Variants in SOX6 observed in about 807,000 individuals in gnomAD.
SOX6 encodes SRY-box transcription factor 6.
In SOX6, 11 loss-of-function variants were observed where a neutral mutation model predicts 97.8. The ratio of observed to expected loss-of-function variants is 0.11; its 90% CI spans 0.07 to 0.19. The LOEUF (loss-of-function observed/expected upper bound fraction) is 0.19. Among genes scored for constraint, SOX6 ranks in the 10% least tolerant of loss-of-function variants. The probability of loss-of-function intolerance (pLI) is 1.00; values close to 1 mark genes in which losing one functional copy is unlikely to be tolerated. For missense variants in SOX6, 810 were observed against 1,039.5 expected (o/e 0.78, Z 3.04); for synonymous variants, 360 against 371.4 (o/e 0.97, Z 0.35).
chr11:16,727,708 G>A (rs769647150), intron 2 of SOX6, among the ~76,000 whole-genome samples: 10 of 151,782 alleles, frequency 6.6e-5, no homozygotes, highest in Non-Finnish European at 1.3e-4. Flanking sequence ...AAAATGCTAC[G>A]ATTACAGGCC....
chr11:16,227,524 A>G (rs1011956109), intron 4 of SOX6, among the ~76,000 whole-genome samples: 1 of 152,036 alleles, frequency 6.6e-6, no homozygotes, highest in Admixed American at 6.6e-5. Context: ...CCTGGGGTCA[A>G]GCGATCTTCC....
At chr11:16,731,342 C>T (rs1848348205) in intron 2 of SOX6, among the ~76,000 whole-genome samples, 1 of 152,110 alleles carries the variant, frequency 6.6e-6, no homozygotes, top group African/African-American at 2.4e-5. Context: ...ATGTGAAAAT[C>T]CTCAATAAAA....
At chr11:16,421,988 G>A (rs761534232) in intron 1 of SOX6, among the ~76,000 whole-genome samples, 2 of 152,188 alleles carry the variant, frequency 1.3e-5, no homozygotes, top group Non-Finnish European at 2.9e-5. Flanking sequence ...AACTTTTGGT[G>A]AAACTGACTC....
chr11:16,020,387 A>G (rs911221280), intron 12 of SOX6, among the ~76,000 whole-genome samples: 3 of 151,150 alleles, frequency 2.0e-5, no homozygotes, highest in African/African-American at 7.3e-5. Flanking sequence ...TTCTACTCAC[A>G]CTCTTCACAG....
At chr11:16,365,140 T>G (rs939148027) in intron 1 of SOX6, among the ~76,000 whole-genome samples, 2 of 152,122 alleles carry the variant, frequency 1.3e-5, no homozygotes, top group Admixed American at 1.3e-4. Context: ...CATCTCTTAC[T>G]GTACCTAATT....
At chr11:16,487,563 T>A (rs1376761025) in intron 4 of SOX6, among the ~76,000 whole-genome samples, 1 of 152,164 alleles carries the variant, frequency 6.6e-6, no homozygotes, top group Non-Finnish European at 1.5e-5. Flanking sequence ...GGAGTAACAG[T>A]AGAGTGGCAG....
intron 1 of SOX6, among the ~76,000 whole-genome samples, chr11:16,371,576 G>A (rs1857495743): frequency 6.6e-6 from 1 of 151,982 alleles, no homozygotes; most frequent in Non-Finnish European, 1.5e-5. Flanking sequence ...CCCAGCTGGT[G>A]CCTAGCAATA....
chr11:16,266,956 C>T (rs1308382605), intron 3 of SOX6, among the ~76,000 whole-genome samples: 2 of 150,924 alleles, frequency 1.3e-5, no homozygotes, highest in Non-Finnish European at 3.0e-5. Flanking sequence ...GCAGTCTCTT[C>T]AATAGATGGA....
At chr11:16,665,536 G>A (rs1277998335) in intron 3 of SOX6, among the ~76,000 whole-genome samples, 2 of 152,202 alleles carry the variant, frequency 1.3e-5, no homozygotes, top group African/African-American at 2.4e-5. Context: ...TACAGCACCA[G>A]GTAGATTCCT....
chr11:16,244,558 A>T lies in SOX6; in HGVS notation c.446-9887T>A, dbSNP rs140710291. On this transcript the variant is annotated intron_variant, in intron 3 of 15. Coordinates refer to ENST00000683767, the MANE Select transcript of SOX6 (RefSeq NM_001367873.1). ...CTATGTTTTCTTCTAGAAACTTTAG[A>T]GTTTAGTTTTATATTTAGGTCTATG... Among the ~76,000 whole-genome samples, 52 of 151,732 alleles carry T rather than the reference A, an allele frequency of 3.4e-4. 3 individuals carry two copies. In the East Asian group the frequency reaches 0.01, roughly 29 times the overall value.
At position 16,371,752 on chromosome 11, in the gene SOX6, A is replaced by G. The variant is rs1857499431; in HGVS notation, c.-4-30500T>C. Among the ~76,000 whole-genome samples the G allele has an allele frequency of 2.0e-5, 3 of 152,302 alleles. No individual in the cohort carries two copies. The South Asian group carries it at 6.2e-4, about 32-fold the overall frequency. ...ATTGTATTACAAACTCTAATATTAT[A>G]GTATTACTACACCAAAATTACTACG... On this transcript the variant is annotated intron_variant, in intron 1 of 15. Coordinates refer to the SOX6 transcript ENST00000396356.
chr11:15,982,058 C>A (rs1853670661), intron 15 of SOX6, among the ~76,000 whole-genome samples: 1 of 151,842 alleles, frequency 6.6e-6, no homozygotes, highest in African/African-American at 2.4e-5. Context: ...TTAGTTCCTA[C>A]AGCCAAGAAG....
At chr11:16,230,570 A>G (rs1227597356) in intron 4 of SOX6, among the ~76,000 whole-genome samples, 1 of 151,834 alleles carries the variant, frequency 6.6e-6, no homozygotes, top group Admixed American at 6.6e-5. Context: ...AATTATTGAG[A>G]GACATAAAAT....
At chr11:16,437,281 TTA>T (rs1859397180) in intron 1 of SOX6, among the ~76,000 whole-genome samples, 2 of 150,346 alleles carry the variant, frequency 1.3e-5, no homozygotes, top group Non-Finnish European at 1.5e-5. Context: ...TTTTTTTTTT[TTA>T]AAAAAAAGGT....
At chr11:16,668,024 T>C (rs957932297) in intron 3 of SOX6, among the ~76,000 whole-genome samples, 2 of 152,212 alleles carry the variant, frequency 1.3e-5, no homozygotes, top group Non-Finnish European at 2.9e-5. Context: ...TGTCAAGTTA[T>C]CAGTTTAAAA....
At chr11:16,012,549 T>A (rs1854762685) in intron 13 of SOX6, among the ~76,000 whole-genome samples, 1 of 152,000 alleles carries the variant, frequency 6.6e-6, no homozygotes, top group African/African-American at 2.4e-5. Context: ...CTGCTATGTG[T>A]GACAGAGTAA....
intron 1 of SOX6, among the ~76,000 whole-genome samples, chr11:16,413,955 T>C (rs778586356): frequency 6.6e-6 from 1 of 152,176 alleles, no homozygotes; most frequent in African/African-American, 2.4e-5. Flanking sequence ...AGAACATAAA[T>C]GCAAAAGAAG....
chr11:16,716,219 G>A (rs774511917), intron 2 of SOX6, among the ~76,000 whole-genome samples: 1 of 152,138 alleles, frequency 6.6e-6, no homozygotes, highest in African/African-American at 2.4e-5. Context: ...CCGGGTGACA[G>A]AGCAAGACTC....
intron 4 of SOX6, among the ~76,000 whole-genome samples, chr11:16,194,865 A>C (rs978513774): frequency 2.0e-5 from 3 of 152,212 alleles, no homozygotes; most frequent in Admixed American, 6.5e-5. Flanking sequence ...TGGATCTGGA[A>C]ACGAAGGTAT....
Sources: gnomAD v4.1 joint callset for allele counts (sites outside exome capture counted in the v4.1 genomes callset) on GRCh38, gnomAD v4.1.1 for gene constraint, MANE v1.5 for transcripts, NCBI Gene and HGNC (gene_info 2026-07-23, HGNC 2026-07-21) for gene names.